The following EML6 variants were observed in gnomAD, a reference collection of about 807,000 sequenced individuals.
EML6 encodes the protein echinoderm microtubule-associated protein-like 6.
In EML6, 154 loss-of-function variants were observed where a neutral mutation model predicts 240.1. The ratio of observed to expected loss-of-function variants is 0.64; its 90% CI spans 0.56 to 0.73. The LOEUF is 0.73. Ranked by LOEUF, EML6 falls within the 30% of genes least tolerant of loss-of-function variation. The pLI, the probability that EML6 is intolerant of heterozygous loss-of-function variation, is 0.00. For missense variants in EML6, 2,964 were observed against 2,474.6 expected (o/e 1.20, Z -4.20); for synonymous variants, 1,148 against 899.0 (o/e 1.28, Z -4.95).
intron 7 of EML6, among the ~76,000 whole-genome samples, chr2:54,831,531 TCA>T (rs1389998713): frequency 6.6e-6 from 1 of 152,062 alleles, no homozygotes; most frequent in Non-Finnish European, 1.5e-5. Context: ...TACATCAGTC[TCA>T]GATTCCCGCC....
intron 2 of EML6, among the ~76,000 whole-genome samples, chr2:54,772,702 T>G (rs751806723): frequency 2.0e-5 from 3 of 152,152 alleles, no homozygotes; most frequent in Non-Finnish European, 4.4e-5. Flanking sequence ...TCAGGAGACT[T>G]GTGCATGGTT....
At chr2:54,953,910 A>G in intron 31 of EML6, 73 bp from the exon 32 acceptor site, 1 of 1,173,122 alleles carries the variant, frequency 8.5e-7, no homozygotes, top group Non-Finnish European at 1.2e-6. Context: ...AAAGGCTTTT[A>G]CATGAACATA....
intron 2 of EML6, among the ~76,000 whole-genome samples, chr2:54,789,513 C>CAAAAAAAAAAAAAAAA (rs576842183): frequency 9.0e-5 from 7 of 77,894 alleles, no homozygotes; most frequent in East Asian, 3.4e-4. Flanking sequence ...GACTTCGTCT[C>CAAAAAAAAAAAAAAAA]AAAAAAAAAA....
chr2:54,807,025 T>C (rs752965055), intron 2 of EML6, among the ~76,000 whole-genome samples: 1 of 152,180 alleles, frequency 6.6e-6, no homozygotes, highest in Admixed American at 6.5e-5. Context: ...ATAAATAATA[T>C]ATAATGCACA....
chr2:54,819,185 T>C (rs1334910514), intron 4 of EML6, among the ~76,000 whole-genome samples: 1 of 152,208 alleles, frequency 6.6e-6, no homozygotes, highest in African/African-American at 2.4e-5. Flanking sequence ...GTTAGTGGTC[T>C]AGGTTATTTC....
At chr2:54,775,366 C>T (rs77204007) in intron 2 of EML6, among the ~76,000 whole-genome samples, 5,492 of 152,196 alleles carry the variant, frequency 0.036, 136 homozygotes, top group Admixed American at 0.08. Context: ...TCAGATAAAC[C>T]AAGCAAGTGT....
chr2:54,872,387 G>A (rs1270506100), intron 16 of EML6, among the ~76,000 whole-genome samples: 1 of 152,098 alleles, frequency 6.6e-6, no homozygotes, highest in African/African-American at 2.4e-5. Flanking sequence ...AGTATAACGT[G>A]TAATATTATT....
At chr2:54,948,664 A>C (rs1439489335) in intron 28 of EML6, among the ~76,000 whole-genome samples, 1 of 152,132 alleles carries the variant, frequency 6.6e-6, no homozygotes, top group Non-Finnish European at 1.5e-5. Flanking sequence ...CGGTGCCTCA[A>C]GCGTGGGGAG....
chr2:54,913,182 C>A (rs1217243555), intron 25 of EML6, among the ~76,000 whole-genome samples: 3 of 144,524 alleles, frequency 2.1e-5, no homozygotes, highest in Non-Finnish European at 4.5e-5. Context: ...AACATTTTTT[C>A]ATATTTGTTG....
At chr2:54,849,283 A>G (rs1268686240) in intron 9 of EML6, among the ~76,000 whole-genome samples, 1 of 152,124 alleles carries the variant, frequency 6.6e-6, no homozygotes, top group African/African-American at 2.4e-5. Context: ...CATTTGAATT[A>G]TTTTCTCCCA....
intron 17 of EML6, among the ~76,000 whole-genome samples, chr2:54,889,396 T>C (rs1474331236): frequency 1.5e-5 from 2 of 133,508 alleles, no homozygotes; most frequent in East Asian, 2.0e-4. Flanking sequence ...GGATAACTGC[T>C]ATCTTTAGGA....
intron 16 of EML6, among the ~76,000 whole-genome samples, chr2:54,878,630 A>G (rs1671648257): frequency 6.6e-6 from 1 of 152,236 alleles, no homozygotes; most frequent in Non-Finnish European, 1.5e-5. Context: ...GTAATCATGG[A>G]TAATTATTAT....
At chr2:54,820,286 A>C (rs1668272143) in intron 4 of EML6, 108 bp from the exon 5 acceptor site, 1 of 677,312 alleles carries the variant, frequency 1.5e-6, no homozygotes. Flanking sequence ...TGTGCAGGTA[A>C]CATTGTGTTC....
intron 28 of EML6, among the ~76,000 whole-genome samples, chr2:54,942,903 T>C (rs1675500200): frequency 6.6e-6 from 1 of 152,216 alleles, no homozygotes; most frequent in Non-Finnish European, 1.5e-5. Flanking sequence ...GCCTCACTTT[T>C]TGTGCCTACC....
At chr2:54,877,873 T>C (rs1671594024) in intron 16 of EML6, among the ~76,000 whole-genome samples, 1 of 152,204 alleles carries the variant, frequency 6.6e-6, no homozygotes, top group Non-Finnish European at 1.5e-5. Flanking sequence ...AACCAGACTT[T>C]TTCTTTCTCT....
chr2:54,821,934 C>T (rs1316290093), intron 5 of EML6, among the ~76,000 whole-genome samples: 2 of 151,946 alleles, frequency 1.3e-5, no homozygotes, highest in South Asian at 2.1e-4. Context: ...GCAAAGAAAT[C>T]GTAAGGAATA....
At chr2:54,851,324 A>G (rs1670075197) in intron 10 of EML6, among the ~76,000 whole-genome samples, 1 of 152,172 alleles carries the variant, frequency 6.6e-6, no homozygotes, top group Non-Finnish European at 1.5e-5. Context: ...AAGGCGGCAG[A>G]ATTGCTTGAA....
Position 54,849,970 on chromosome 2 carries a change from CAG to C in EML6, c.1198_1199del (p.Glu400SerfsTer13). The C allele has an allele frequency of 6.4e-7, 1 of 1,550,774 alleles. No individual in the cohort carries two copies. The highest frequency in any genetic ancestry group is 8.7e-7 in the Non-Finnish European group (1 of 1,146,302). On this transcript the variant is annotated frameshift_variant, in exon 10 of 42. Transcript: ENST00000356458. LOFTEE classifies it high-confidence loss of function. ...GCTTTTTATTCTTACAGAGATATGACAGAAGTAGTTCACATCAAAGATCGAAA... is the reference window on the plus strand; with the variant it reads ...GCTTTTTATTCTTACAGAGATATGACAAGTAGTTCACATCAAAGATCGAAA...
chr2:54,949,224 G>A (rs1240481958), intron 29 of EML6, among the ~76,000 whole-genome samples: 2 of 152,062 alleles, frequency 1.3e-5, no homozygotes, highest in Non-Finnish European at 2.9e-5. Flanking sequence ...TGTCCCTCAA[G>A]CCTGGCTCCG....
Sources: allele counts gnomAD v4.1 joint callset (sites outside exome capture counted in the v4.1 genomes callset), GRCh38; gene constraint gnomAD v4.1.1; transcripts MANE v1.5; gene names NCBI Gene and HGNC (gene_info 2026-07-23, HGNC 2026-07-21).